The following ATP6V0D1 variants were observed in gnomAD, a reference collection of about 807,000 sequenced individuals.
ATP6V0D1 encodes the protein V-type proton ATPase subunit d 1.
In ATP6V0D1, 13 loss-of-function variants were observed where a neutral mutation model predicts 39.0. The ratio of observed to expected loss-of-function variants is 0.33; its 90% CI spans 0.22 to 0.53. The LOEUF (loss-of-function observed/expected upper bound fraction) is 0.53. Ranked by LOEUF, ATP6V0D1 falls within the 20% of genes least tolerant of loss-of-function variation. The pLI, the probability that ATP6V0D1 is intolerant of heterozygous loss-of-function variation, is 0.94. For synonymous variants in ATP6V0D1, 191 were observed against 191.2 expected (o/e 1.00, Z 0.01); for missense variants, 272 against 470.9 (o/e 0.58, Z 3.91).
rs140955636 is a variant in ATP6V0D1, at chr16:67,444,041, C to T, written c.481+487G>A. 1.0e-3 allele frequency among the ~76,000 whole-genome samples: 156 copies of T among 152,368 alleles called. 1 individual carries two copies. Among genetic ancestry groups the T allele is most frequent in the Middle Eastern group, 0.01 (3 of 294 alleles). ...GATTCCCCTTCCCTGGCTTCTGATA[C>T]GGACCTTGCATCCTGCTGGATGCTG... is the stretch of plus-strand genomic sequence containing the variant. On this transcript the variant is annotated intron_variant, in intron 3 of 7. Coordinates refer to ENST00000290949, the MANE Select transcript of ATP6V0D1 (RefSeq NM_004691.5). This position sits in a 1 kb window ranked among gnomAD's most constrained non-coding sequence, Gnocchi z 4.8.
At chr16:67,464,192 G>C (rs761032695) in intron 1 of ATP6V0D1, among the ~76,000 whole-genome samples, 1 of 152,204 alleles carries the variant, frequency 6.6e-6, no homozygotes, top group Non-Finnish European at 1.5e-5. Flanking sequence ...ATGTGGCAAG[G>C]CCTGAGGAAA....
chr16:67,466,452 A>G (rs565232667), intron 1 of ATP6V0D1, among the ~76,000 whole-genome samples: 1 of 151,604 alleles, frequency 6.6e-6, no homozygotes, highest in African/African-American at 2.4e-5. Flanking sequence ...TCACTTGAAC[A>G]CGGGAGGCGG....
chr16:67,452,312 C>G (rs1174057243), intron 2 of ATP6V0D1: 1 of 1,535,746 alleles, frequency 6.5e-7, no homozygotes, highest in Admixed American at 2.0e-5. Context: ...TGCTTCCTAG[C>G]TTGGGCATGT....
chr16:67,474,762 C>A (rs1454403248), intron 1 of ATP6V0D1, among the ~76,000 whole-genome samples: 1 of 152,190 alleles, frequency 6.6e-6, no homozygotes, highest in African/African-American at 2.4e-5. Flanking sequence ...CACACCTGAG[C>A]ACCAAAAATA....
chr16:67,473,802 C>A (rs966030694), intron 1 of ATP6V0D1, among the ~76,000 whole-genome samples: 2 of 152,156 alleles, frequency 1.3e-5, no homozygotes, highest in Non-Finnish European at 2.9e-5. Context: ...GGATTACAGG[C>A]ATGAGCCACT....
At chr16:67,479,599 A>G (rs2041446786) in intron 1 of ATP6V0D1, among the ~76,000 whole-genome samples, 1 of 152,068 alleles carries the variant, frequency 6.6e-6, no homozygotes, top group Non-Finnish European at 1.5e-5. Flanking sequence ...ATTTATTTTC[A>G]CTTTACTGGT....
rs2041093599 is a variant in ATP6V0D1 at position 67,444,643 on chromosome 16, G to A, written c.366C>T (p.Ile122=). ...LITGTLHQRS[I]AELVPKCHPL... ...GGTGGCACTTGGGCACGAGCTCAGC[G>A]ATGGAGCGCTGGTGCAGCGTGCCTG... Residue 122 remains isoleucine, a synonymous_variant, in exon 3 of 8, where the codon ATC becomes ATT. Transcript: ENST00000290949. The surrounding 1 kb of genome is among the most constrained non-coding windows in gnomAD (Gnocchi z 4.8). 3.7e-6 allele frequency: 6 copies of A among 1,613,080 alleles called. No homozygotes were observed. The highest frequency in any genetic ancestry group is 1.3e-5 in the African/African-American group (1 of 75,064).
intron 2 of ATP6V0D1, among the ~76,000 whole-genome samples, chr16:67,450,185 T>C (rs1362466867): frequency 6.6e-6 from 1 of 152,192 alleles, no homozygotes; most frequent in Admixed American, 6.5e-5. Flanking sequence ...CTAGGGTAGC[T>C]TCCTCATTCC....
chr16:67,452,835 T>C (rs1428371313), intron 2 of ATP6V0D1, among the ~76,000 whole-genome samples: 2 of 152,178 alleles, frequency 1.3e-5, no homozygotes, highest in African/African-American at 4.8e-5. Context: ...CCAAGGTCCT[T>C]TCCTCCACTC....
At chr16:67,439,231 G>A in intron 5 of ATP6V0D1, 43 bp downstream of exon 5, 1 of 1,614,034 alleles carries the variant, frequency 6.2e-7, no homozygotes, top group South Asian at 1.1e-5. Context: ...CCCAGGCCAG[G>A]GCTAGCGGGC....
At chr16:67,467,500 T>C (rs1351175448) in intron 1 of ATP6V0D1, among the ~76,000 whole-genome samples, 1 of 150,194 alleles carries the variant, frequency 6.7e-6, no homozygotes, top group Non-Finnish European at 1.5e-5. Flanking sequence ...TGAGACTCTG[T>C]CTCAAAAAAA....
intron 1 of ATP6V0D1, among the ~76,000 whole-genome samples, chr16:67,467,469 C>T (rs530190895): frequency 1.3e-5 from 2 of 152,016 alleles, no homozygotes; most frequent in South Asian, 4.2e-4. Context: ...CATGCCACTG[C>T]ACTCCAGCCT....
chr16:67,481,009 C>G lies in ATP6V0D1; in HGVS notation c.78G>C (p.Gly26=). ...TGAGGTAGTCGGCCTGGCTGAGCAC[C>G]CCGGCCTTCAGGCCGCGCACCAGTC... The part of the protein sequence containing the change: ...LEGLVRGLKA[G]VLSQADYLNL... Residue 26 remains glycine, a synonymous_variant, in exon 1 of 8, where the codon GGG becomes GGC. Coordinates refer to ENST00000290949, the MANE Select transcript of ATP6V0D1 (RefSeq NM_004691.5). 1.2e-6 allele frequency: 2 copies of G among 1,614,200 alleles called. No individual in the cohort carries two copies. Among genetic ancestry groups the G allele is most frequent in the Non-Finnish European group, 8.5e-7 (1 of 1,180,010 alleles).
chr16:67,459,368 GCTCC>G, intron 1 of ATP6V0D1: 3 of 651,438 alleles, frequency 4.6e-6, no homozygotes, highest in South Asian at 6.8e-5. Context: ...CATTGCCCTG[GCTCC>G]AGCAGGGGCA....
intron 1 of ATP6V0D1, among the ~76,000 whole-genome samples, chr16:67,459,517 T>C (rs2041272378): frequency 6.6e-6 from 1 of 152,194 alleles, no homozygotes; most frequent in Non-Finnish European, 1.5e-5. Context: ...CCTATCACCC[T>C]AGCCCTTGAT....
At position 67,480,944 on chromosome 16, in the gene ATP6V0D1, G is replaced by C. The variant is rs777726134; in HGVS notation, c.130+13C>G. 2 of 1,613,348 alleles carry C rather than the reference G, an allele frequency of 1.2e-6. No individual in the cohort carries two copies. The highest frequency in any genetic ancestry group is 2.2e-5 in the South Asian group (2 of 91,050). On this transcript the variant is annotated intron_variant, in intron 1 of 7. Coordinates refer to ENST00000290949, the MANE Select transcript of ATP6V0D1 (RefSeq NM_004691.5). ...GACAGCCTCTATCCCCGCCTTTCGC[G>C]GCCCCGGCTCACCCTCTAGCGTCTC...
intron 4 of ATP6V0D1, chr16:67,441,056 G>A (rs943628628): frequency 6.6e-6 from 1 of 152,312 alleles, no homozygotes; most frequent in South Asian, 2.1e-4. Context: ...CAACCAACCA[G>A]GTATTGGGCT....
At chr16:67,472,122 C>T (rs1003828690) in intron 1 of ATP6V0D1, among the ~76,000 whole-genome samples, 1 of 152,160 alleles carries the variant, frequency 6.6e-6, no homozygotes, top group African/African-American at 2.4e-5. Flanking sequence ...GCAGCAGCAG[C>T]AGCAAGCTGG....
chr16:67,461,005 T>G (rs1160774772), intron 1 of ATP6V0D1, among the ~76,000 whole-genome samples: 3 of 152,202 alleles, frequency 2.0e-5, no homozygotes, highest in African/African-American at 7.2e-5. Flanking sequence ...GGTTCTGCAG[T>G]GCCAGCCTCC....
Sources: gnomAD v4.1 joint callset for allele counts (sites outside exome capture counted in the v4.1 genomes callset) on GRCh38, gnomAD v4.1.1 for gene constraint, Gnocchi (gnomAD v3.1) non-coding constraint, MANE v1.5 for transcripts, NCBI Gene and HGNC (gene_info 2026-07-23, HGNC 2026-07-21) for gene names.